DCLK1: variants seen among roughly 807,000 people sequenced by gnomAD.
The protein encoded by DCLK1 is doublecortin like kinase 1.
Under a neutral mutation model 86.2 loss-of-function variants are expected in DCLK1, and 16 were observed. The observed-to-expected ratio is 0.19, with a 90% CI of 0.13 to 0.28. DCLK1 has a LOEUF of 0.28. Ranked by LOEUF, DCLK1 falls within the 10% of genes least tolerant of loss-of-function variation. The pLI, the probability that DCLK1 is intolerant of heterozygous loss-of-function variation, is 1.00. For synonymous variants in DCLK1, 369 were observed against 370.5 expected, an observed-to-expected ratio of 1.00 and a Z score of 0.05; for missense variants, 590 against 940.2, an observed-to-expected ratio of 0.63 and a Z score of 4.87.
chr13:36,000,301 A>C (rs1424472758), intron 3 of DCLK1, among the ~76,000 whole-genome samples: 1 of 152,122 alleles, frequency 6.6e-6, no homozygotes, highest in African/African-American at 2.4e-5. Flanking sequence ...TAAGGACGGA[A>C]ACCAAGTCAG....
intron 3 of DCLK1, among the ~76,000 whole-genome samples, chr13:36,014,723 A>G (rs1488153128): frequency 1.3e-5 from 2 of 152,236 alleles, no homozygotes; most frequent in African/African-American, 4.8e-5. Context: ...AAGAACAAAC[A>G]TGATTGAGAA....
chr13:35,821,570 C>T (rs984197351), intron 11 of DCLK1, among the ~76,000 whole-genome samples: 5 of 151,800 alleles, frequency 3.3e-5, no homozygotes, highest in South Asian at 4.2e-4. Flanking sequence ...TCTGAAGAGA[C>T]GGGCAAAGTA....
intron 1 of DCLK1, among the ~76,000 whole-genome samples, chr13:36,128,574 A>G (rs7358816): frequency 0.18 from 27,997 of 151,936 alleles, 2,810 homozygotes; most frequent in East Asian, 0.43. Context: ...TGGTGATTCT[A>G]TCTACCTGCT....
rs57153182 is a variant in DCLK1 at position 36,101,741 on chromosome 13, A to ATT, written c.723+10126_723+10127dup. The stretch of plus-strand genomic sequence containing the variant: ...TGGTACTGAGGTTTTTATTTATTTA[A>ATT]TTTTTTTTTTCTTTTGAGACAGAGT... On this transcript the variant is annotated intron_variant, in intron 3 of 16. Transcript: ENST00000360631. Among the ~76,000 whole-genome samples the ATT allele has an allele frequency of 6.0e-3, 894 of 149,248 alleles. 15 individuals are homozygous for ATT. The highest frequency in any genetic ancestry group is 0.021 in the African/African-American group (861 of 40,652).
chr13:35,972,789 T>C (rs1057298066), intron 3 of DCLK1, among the ~76,000 whole-genome samples: 2 of 152,112 alleles, frequency 1.3e-5, no homozygotes, highest in Non-Finnish European at 2.9e-5. Context: ...CCCCATCCCA[T>C]AGACCATCAT....
Position 36,092,483 on chromosome 13 carries a change from CTTTTTTT to C in DCLK1, c.723+19379_723+19385del, listed in dbSNP as rs71084405. ...ATGTCTCTTATCCGAGAGGCGTTTT[CTTTTTTT>C]TTTTTTTTTTTTTTGAGACAGAGTC... On this transcript the variant is annotated intron_variant, in intron 3 of 16. Coordinates refer to ENST00000360631, the MANE Select transcript of DCLK1 (RefSeq NM_001330071.2). 7.1e-5 allele frequency among the ~76,000 whole-genome samples: 6 copies of C among 84,944 alleles called. 1 individual carries two copies. The highest frequency in any genetic ancestry group is 7.0e-4 in the Admixed American group (5 of 7,138). 55.7% of individuals were successfully genotyped at this position (84,944 alleles called of 152,430 possible).
chr13:35,927,674 A>C (rs1488224995), intron 4 of DCLK1, among the ~76,000 whole-genome samples: 1 of 152,222 alleles, frequency 6.6e-6, no homozygotes, highest in African/African-American at 2.4e-5. Flanking sequence ...TGATAACACT[A>C]TGTTGGGTCC....
chr13:35,997,056 G>C (rs956685837), intron 3 of DCLK1, among the ~76,000 whole-genome samples: 10 of 152,042 alleles, frequency 6.6e-5, no homozygotes, highest in African/African-American at 2.4e-4. Flanking sequence ...AATGATGTTT[G>C]AGTTGAAGGT....
chr13:35,941,853 C>T (rs1443739807), intron 4 of DCLK1, among the ~76,000 whole-genome samples: 3 of 152,050 alleles, frequency 2.0e-5, no homozygotes, highest in African/African-American at 7.3e-5. Flanking sequence ...ATATGATACC[C>T]CTACAATCCA....
At chr13:35,802,850 C>T (rs1237203339) in intron 15 of DCLK1, among the ~76,000 whole-genome samples, 1 of 152,128 alleles carries the variant, frequency 6.6e-6, no homozygotes, top group East Asian at 1.9e-4. Flanking sequence ...TGTCATACAG[C>T]ATTAACATGT....
In DCLK1 at chr13:35,779,606, T is replaced by C. The variant is rs577663942; in HGVS notation, c.2059-4907A>G. Reference sequence around the variant, plus strand: ...AGCAAAAAATAGAATTCAAAGCAACTCCAACACAAAAAAGAAGTAAAAAGT... The same window carrying C: ...AGCAAAAAATAGAATTCAAAGCAACCCCAACACAAAAAAGAAGTAAAAAGT... On this transcript the variant is annotated intron_variant, in intron 16 of 16. Coordinates refer to ENST00000360631, the MANE Select transcript of DCLK1 (RefSeq NM_001330071.2). Among the ~76,000 whole-genome samples, 62 of 152,206 alleles carry C rather than the reference T, an allele frequency of 4.1e-4. 1 individual carries two copies. In the South Asian group the frequency reaches 0.013, roughly 31 times the overall value.
intron 3 of DCLK1, among the ~76,000 whole-genome samples, chr13:35,958,131 A>ACTGTAACCATCACCACCATCACTG (rs1555352807): frequency 0.56 from 27,801 of 49,464 alleles, 8,004 homozygotes; most frequent in Admixed American, 0.59. Flanking sequence ...CACTACCACT[A>ACTGTAACCATCACCACCATCACTG]CTATAACCAC....
At chr13:35,813,650 A>G (rs7996158) in intron 11 of DCLK1, among the ~76,000 whole-genome samples, 41,594 of 151,612 alleles carry the variant, frequency 0.27, 6,443 homozygotes, top group African/African-American at 0.42. Flanking sequence ...AACCATTGAA[A>G]TACATAGAAC....
chr13:35,867,929 G>GAAAGAAAGAAAT (rs1871948425), intron 5 of DCLK1, among the ~76,000 whole-genome samples: 2 of 133,920 alleles, frequency 1.5e-5, no homozygotes, highest in African/African-American at 6.0e-5. Flanking sequence ...AAGAAAGAAA[G>GAAAGAAAGAAAT]AAAGAAAGAA....
At chr13:35,941,719 C>T (rs1877094559) in intron 4 of DCLK1, among the ~76,000 whole-genome samples, 1 of 152,180 alleles carries the variant, frequency 6.6e-6, no homozygotes, top group African/African-American at 2.4e-5. Flanking sequence ...AGCTTGTTTA[C>T]ATTTCTTCTA....
At chr13:36,007,645 C>T (rs1411627231) in intron 3 of DCLK1, among the ~76,000 whole-genome samples, 1 of 152,250 alleles carries the variant, frequency 6.6e-6, no homozygotes, top group African/African-American at 2.4e-5. Flanking sequence ...ATTCTATTCC[C>T]TAAAATAATA....
chr13:35,847,137 T>C (rs1358923130), intron 6 of DCLK1: 1 of 955,926 alleles, frequency 1.0e-6, no homozygotes, highest in Non-Finnish European at 1.2e-6. Flanking sequence ...CAAAGATATA[T>C]CAATATAAAC....
At chr13:35,998,465 T>A (rs953785886) in intron 3 of DCLK1, among the ~76,000 whole-genome samples, 3 of 152,044 alleles carry the variant, frequency 2.0e-5, no homozygotes. Context: ...CCTCTTCGGG[T>A]CCCTGTTCTC....
intron 3 of DCLK1, among the ~76,000 whole-genome samples, chr13:35,971,176 G>A (rs902891327): frequency 2.3e-4 from 35 of 152,218 alleles, no homozygotes; most frequent in African/African-American, 7.7e-4. Flanking sequence ...ACTGTGCTAT[G>A]TCAGGGTAGT....
Sources: allele counts gnomAD v4.1 joint callset (sites outside exome capture counted in the v4.1 genomes callset), GRCh38; gene constraint gnomAD v4.1.1; transcripts MANE v1.5; gene names NCBI Gene and HGNC (gene_info 2026-07-23, HGNC 2026-07-21).